ABHD17B: variants seen among roughly 807,000 people sequenced by gnomAD.
ABHD17B encodes abhydrolase domain containing 17B, depalmitoylase.
In ABHD17B, 9 loss-of-function variants were observed where a neutral mutation model predicts 26.2. The observed-to-expected ratio is 0.34, with a 90% CI of 0.21 to 0.60. The LOEUF (loss-of-function observed/expected upper bound fraction) is 0.60. Ranked by LOEUF, ABHD17B falls within the 20% of genes least tolerant of loss-of-function variation. ABHD17B has a pLI of 0.80. For synonymous variants in ABHD17B, 127 were observed against 122.3 expected (o/e 1.04, Z -0.25); for missense variants, 224 against 352.1 (o/e 0.64, Z 2.91).
chr9:71,867,303 A>G (rs908778959), intron 3 of ABHD17B, among the ~76,000 whole-genome samples: 2 of 152,232 alleles, frequency 1.3e-5, no homozygotes, highest in Non-Finnish European at 2.9e-5. Flanking sequence ...GCACAGAGAA[A>G]CTTAGGTGTC....
Position 71,900,819 on chromosome 9 carries a change from G to C in ABHD17B, c.-4+9815C>G, listed in dbSNP as rs139030870. On this transcript the variant is annotated intron_variant, in intron 1 of 3. Coordinates refer to ENST00000333421, the MANE Select transcript of ABHD17B (RefSeq NM_001025780.3). ...TCTTTCAGTATCTTGAAAGCATGAA[G>C]CTGTTTCCACATCAGAGTTCATGCA... Among the ~76,000 whole-genome samples, 561 of 152,054 alleles carry C rather than the reference G, an allele frequency of 3.7e-3. 4 individuals are homozygous for C. The highest frequency in any genetic ancestry group is 0.013 in the African/African-American group (523 of 41,442).
In ABHD17B at chr9:71,874,742, T is replaced by C. The variant is rs1392453126; in HGVS notation, c.339A>G (p.Gly113=). The change falls in exon 2 of 4, where the codon GGA becomes GGG. Residue 113 remains glycine (G), a synonymous_variant. Coordinates refer to ENST00000333421, the MANE Select transcript of ABHD17B (RefSeq NM_001025780.3). ...TATTACAATTAATCCGTGATCCTAG[T>C]CCTATGTAAAAGCTGCTCATTTGAC... The part of the protein sequence containing the change: ...DLGQMSSFYI[G]LGSRINCNIF... The C allele has an allele frequency of 6.2e-7, 1 of 1,614,200 alleles. No homozygotes were observed. The highest frequency in any genetic ancestry group is 2.2e-5 in the East Asian group (1 of 44,892).
At position 71,875,091 on chromosome 9, in the gene ABHD17B, A is replaced by G. The variant is rs1420568970; in HGVS notation, c.-3-8T>C. 1.9e-6 allele frequency: 3 copies of G among 1,588,256 alleles called. No individual in the cohort carries two copies. In the South Asian group the frequency reaches 3.3e-5, roughly 18 times the overall value. ...TGAAAGATTATTCATGCTCTGAAAA[A>G]GAAAAGGAGATAGCAAATATTTTAA... On this transcript the variant is annotated splice_region_variant and splice_polypyrimidine_tract_variant and intron_variant, in intron 1 of 3. Transcript: ENST00000333421.
intron 1 of ABHD17B, among the ~76,000 whole-genome samples, chr9:71,889,442 C>T (rs1484574211): frequency 6.6e-6 from 1 of 152,132 alleles, no homozygotes; most frequent in Non-Finnish European, 1.5e-5. Flanking sequence ...GTCTCCAACT[C>T]ATAAGAGTAG....
At chr9:71,864,854 A>G (rs911572577), downstream of ABHD17B, among the ~76,000 whole-genome samples, 1 of 152,164 alleles carries the variant, frequency 6.6e-6, no homozygotes, top group Non-Finnish European at 1.5e-5. Context: ...AGGTTTTTGC[A>G]TGATTTATAC....
Position 71,870,205 on chromosome 9 carries a change from C to T in ABHD17B, c.525G>A (p.Pro175=), listed in dbSNP as rs17854318. The change falls in exon 3 of 4, where the codon CCG becomes CCA. Residue 175 remains proline (P), a synonymous_variant. Coordinates refer to ENST00000333421, the MANE Select transcript of ABHD17B (RefSeq NM_001025780.3). The stretch of plus-strand genomic sequence containing the variant: ...CATATCGAGCAGCAAGATCCACAGA[C>T]GGTACTGTCCCTATACTTTGGCCAT... ...IIYGQSIGTV[P]SVDLAARYES... 159 of 1,613,944 alleles carry T rather than the reference C, an allele frequency of 9.9e-5. No homozygotes were observed. The African/African-American group carries it at 1.6e-3, about 17-fold the overall frequency.
intron 1 of ABHD17B, among the ~76,000 whole-genome samples, chr9:71,909,303 A>G (rs527449404): frequency 6.6e-6 from 1 of 152,332 alleles, no homozygotes; most frequent in East Asian, 1.9e-4. Context: ...TGATATGACA[A>G]TTACTGCACA....
At chr9:71,910,264 G>A (rs941332320) in intron 1 of ABHD17B, among the ~76,000 whole-genome samples, 2 of 152,128 alleles carry the variant, frequency 1.3e-5, no homozygotes, top group African/African-American at 2.4e-5. Flanking sequence ...CATCCACTGA[G>A]AGAAAAGCAA....
At chr9:71,894,827 TA>T (rs879410907) in intron 1 of ABHD17B, among the ~76,000 whole-genome samples, 56 of 144,546 alleles carry the variant, frequency 3.9e-4, no homozygotes, top group Admixed American at 4.1e-4. Flanking sequence ...ACACGTCTCC[TA>T]AAAAAAAAAA....
At chr9:71,881,558 T>A (rs1826440423) in intron 1 of ABHD17B, among the ~76,000 whole-genome samples, 1 of 152,140 alleles carries the variant, frequency 6.6e-6, no homozygotes. Context: ...ACCTACTGAA[T>A]GTGAGAAAAT....
chr9:71,867,163 T>C (rs1433899043), intron 3 of ABHD17B, among the ~76,000 whole-genome samples, 157 bp from the exon 4 acceptor site: 2 of 152,194 alleles, frequency 1.3e-5, no homozygotes, highest in Non-Finnish European at 2.9e-5. Context: ...ATTCAAAAAT[T>C]GCCTTTTACA....
intron 1 of ABHD17B, among the ~76,000 whole-genome samples, chr9:71,901,861 C>T (rs965576047): frequency 6.6e-6 from 1 of 152,174 alleles, no homozygotes; most frequent in Non-Finnish European, 1.5e-5. Flanking sequence ...CTCTACACTG[C>T]CACCAGGTGA....
intron 1 of ABHD17B, among the ~76,000 whole-genome samples, chr9:71,904,313 T>C (rs900446385): frequency 2.0e-5 from 3 of 152,186 alleles, no homozygotes; most frequent in African/African-American, 4.8e-5. Context: ...GAATAGTGAC[T>C]GGTACCCAGT....
At chr9:71,907,466 G>T (rs543775783) in intron 1 of ABHD17B, among the ~76,000 whole-genome samples, 9 of 152,112 alleles carry the variant, frequency 5.9e-5, no homozygotes, top group Non-Finnish European at 1.5e-5. Flanking sequence ...GGGGAAAAGG[G>T]AACAGCATTT....
At chr9:71,899,080 T>G (rs1827055051) in intron 1 of ABHD17B, among the ~76,000 whole-genome samples, 1 of 150,182 alleles carries the variant, frequency 6.7e-6, no homozygotes. Flanking sequence ...GCCGAGATTG[T>G]GCCACTGCAC....
rs948573720 is a variant in ABHD17B at position 71,867,029 on chromosome 9, A to G, written c.648-23T>C. The G allele has an allele frequency of 6.8e-6, 11 of 1,609,612 alleles. No individual in the cohort carries two copies. In the Admixed American group the frequency reaches 1.0e-4, roughly 15 times the overall value. Reference sequence around the variant, plus strand: ...ATGCTGCAGGGAAAAAGGAAGGGGGAAAAATGCAATAAATTAACTATGTAA... The same window carrying G: ...ATGCTGCAGGGAAAAAGGAAGGGGGGAAAATGCAATAAATTAACTATGTAA... On this transcript the variant is annotated intron_variant, in intron 3 of 3. Coordinates refer to ENST00000333421, the MANE Select transcript of ABHD17B (RefSeq NM_001025780.3).
At chr9:71,894,398 T>C (rs1826894455) in intron 1 of ABHD17B, among the ~76,000 whole-genome samples, 1 of 152,056 alleles carries the variant, frequency 6.6e-6, no homozygotes, top group Non-Finnish European at 1.5e-5. Context: ...CAGGCTGGAG[T>C]GCAGTGGCAC....
Position 71,898,638 on chromosome 9 carries a change from T to TCAAA in ABHD17B, c.-4+11992_-4+11995dup, listed in dbSNP as rs540545268. 7.0e-3 allele frequency among the ~76,000 whole-genome samples: 1,060 copies of TCAAA among 151,226 alleles called. 4 individuals carry two copies. The highest frequency in any genetic ancestry group is 0.014 in the Middle Eastern group (4 of 288). On this transcript the variant is annotated intron_variant, in intron 1 of 3. Transcript: ENST00000333421. ...TGGGCAACAAAAGTGAAACTCTATT[T>TCAAA]CAAACAAACAAACAAACAAACAACA... is the stretch of plus-strand genomic sequence containing the variant.
intron 3 of ABHD17B, among the ~76,000 whole-genome samples, chr9:71,868,942 GC>G (rs1411776717): frequency 2.6e-5 from 4 of 152,138 alleles, no homozygotes; most frequent in Admixed American, 2.6e-4. Context: ...ACCCGCCACG[GC>G]CTCCAAAAGT....
Sources: gnomAD v4.1 joint callset for allele counts (sites outside exome capture counted in the v4.1 genomes callset) on GRCh38, gnomAD v4.1.1 for gene constraint, MANE v1.5 for transcripts, NCBI Gene and HGNC (gene_info 2026-07-23, HGNC 2026-07-21) for gene names.